The following HOMER2 variants were observed in gnomAD, a reference collection of about 807,000 sequenced individuals.
The protein encoded by HOMER2 is homer protein homolog 2.
HOMER2 carries 27 observed loss-of-function variants against 47.0 expected under a neutral mutation model. That is an observed-to-expected ratio of 0.57 (90% CI 0.42 to 0.79). HOMER2 has a LOEUF of 0.79. Among genes scored for constraint, HOMER2 ranks in the 30% least tolerant of loss-of-function variants. The probability of loss-of-function intolerance (pLI) is 0.00; values close to 1 mark genes in which losing one functional copy is unlikely to be tolerated. For missense variants in HOMER2, 443 were observed against 435.0 expected, an observed-to-expected ratio of 1.02 and a Z score of -0.16; for synonymous variants, 161 against 163.8, an observed-to-expected ratio of 0.98 and a Z score of 0.13.
At chr15:82,937,088 T>C (rs1306937841) in intron 1 of HOMER2, among the ~76,000 whole-genome samples, 1 of 152,212 alleles carries the variant, frequency 6.6e-6, no homozygotes, top group Non-Finnish European at 1.5e-5. Context: ...ACTACTTAGC[T>C]CATGTCAAAT....
chr15:82,940,540 G>C (rs539515899), intron 1 of HOMER2, among the ~76,000 whole-genome samples: 1 of 152,132 alleles, frequency 6.6e-6, no homozygotes, highest in Non-Finnish European at 1.5e-5. Flanking sequence ...TCAGGAGATC[G>C]AGACCATCCT....
At chr15:82,844,055 G>A (rs1027307788), downstream of HOMER2, 4 of 152,252 alleles carry the variant, frequency 2.6e-5, no homozygotes, top group African/African-American at 4.8e-5. Flanking sequence ...CTGTCCCTGG[G>A]ACATCAGCAT....
intron 1 of HOMER2, among the ~76,000 whole-genome samples, chr15:82,930,393 A>C (rs1471731326): frequency 6.6e-6 from 1 of 152,260 alleles, no homozygotes; most frequent in Non-Finnish European, 1.5e-5. Context: ...TCTGTACAGC[A>C]TGCCATCCTG....
intron 3 of HOMER2, among the ~76,000 whole-genome samples, chr15:82,868,541 A>ATATATATATATATATTTTTTTTTTT: frequency 2.8e-5 from 2 of 71,290 alleles, no homozygotes; most frequent in Non-Finnish European, 5.6e-5. Flanking sequence ...ATATATATAT[A>ATATATATATATATATTTTTTTTTTT]TTTTTTTTTT....
chr15:82,864,733 T>A (rs2051909636), intron 3 of HOMER2, among the ~76,000 whole-genome samples: 1 of 152,212 alleles, frequency 6.6e-6, no homozygotes, highest in South Asian at 2.1e-4. Context: ...ATCTAGGTAA[T>A]GTGTATATGG....
intron 1 of HOMER2, among the ~76,000 whole-genome samples, chr15:82,961,336 T>C (rs1385358547): frequency 6.6e-6 from 1 of 152,258 alleles, no homozygotes; most frequent in East Asian, 1.9e-4. Flanking sequence ...CGTGCGCAGG[T>C]TGGGGGGTAC....
intron 4 of HOMER2, among the ~76,000 whole-genome samples, chr15:82,861,883 G>T (rs898663044): frequency 2.6e-5 from 4 of 152,018 alleles, no homozygotes; most frequent in African/African-American, 7.3e-5. Flanking sequence ...GGTGGCGCAT[G>T]CTTGTAATCC....
At chr15:82,858,311 C>A (rs962495864) in intron 5 of HOMER2, among the ~76,000 whole-genome samples, 4 of 150,804 alleles carry the variant, frequency 2.7e-5, no homozygotes, top group Admixed American at 6.6e-5. Context: ...TTTTTTGAGA[C>A]AAGAGTCTCA....
At chr15:82,868,541 A>ATTTTTTTT (rs10678643) in intron 3 of HOMER2, among the ~76,000 whole-genome samples, 2 of 71,266 alleles carry the variant, frequency 2.8e-5, no homozygotes, top group Non-Finnish European at 5.7e-5. Flanking sequence ...ATATATATAT[A>ATTTTTTTT]TTTTTTTTTT....
chr15:82,849,735 T>G lies in HOMER2; in HGVS notation c.1012A>C (p.Lys338Gln), dbSNP rs767149658. Residue 338 changes from lysine to glutamine, a missense_variant, in exon 9 of 9, where the codon AAG becomes CAG. Coordinates refer to ENST00000450735, the MANE Select transcript of HOMER2 (RefSeq NM_004839.4). ...DLHDFRRGLSKLGTDN is the reference protein window; with the variant it reads ...DLHDFRRGLSQLGTDN ...CAGCCCTAGTTATCGGTGCCCAGCTTGGAGAGCCCTCGGCGGAAGTCATGC... is the reference window on the plus strand; with the variant it reads ...CAGCCCTAGTTATCGGTGCCCAGCTGGGAGAGCCCTCGGCGGAAGTCATGC... 1 of 1,613,616 alleles carries G rather than the reference T, an allele frequency of 6.2e-7. No homozygotes were observed. The highest frequency in any genetic ancestry group is 1.7e-5 in the Admixed American group (1 of 59,990).
At chr15:82,927,789 G>A (rs553064010) in intron 1 of HOMER2, among the ~76,000 whole-genome samples, 103 of 152,090 alleles carry the variant, frequency 6.8e-4, no homozygotes, top group Admixed American at 1.5e-3. Flanking sequence ...TAACCAACAT[G>A]GTAAAACCCC....
intron 1 of HOMER2, among the ~76,000 whole-genome samples, chr15:82,935,933 A>G (rs1386625069): frequency 6.6e-6 from 1 of 152,172 alleles, no homozygotes; most frequent in Non-Finnish European, 1.5e-5. Context: ...TTAAATCTGA[A>G]GAAGGATCAT....
intron 1 of HOMER2, among the ~76,000 whole-genome samples, chr15:82,895,729 A>G (rs1186363746): frequency 6.6e-6 from 1 of 152,038 alleles, no homozygotes; most frequent in Admixed American, 6.6e-5. Flanking sequence ...TATTCCCTAC[A>G]TCAGAAAAGA....
chr15:82,891,982 A>T (rs978993209), intron 2 of HOMER2, among the ~76,000 whole-genome samples: 21 of 143,480 alleles, frequency 1.5e-4, no homozygotes, highest in African/African-American at 4.9e-4. Context: ...CAGCAGGTCT[A>T]TTTTTTTTTT....
intron 2 of HOMER2, among the ~76,000 whole-genome samples, chr15:82,879,335 A>C (rs1167162191): frequency 1.1e-4 from 17 of 152,170 alleles, no homozygotes; most frequent in Admixed American, 1.1e-3. Flanking sequence ...ATCTCGACTA[A>C]AAATACAAAA....
chr15:82,867,318 A>G (rs2052003594), intron 3 of HOMER2, among the ~76,000 whole-genome samples: 1 of 152,068 alleles, frequency 6.6e-6, no homozygotes, highest in South Asian at 2.1e-4. Context: ...AAACCCACAA[A>G]AGTGACAGAC....
intron 1 of HOMER2, among the ~76,000 whole-genome samples, chr15:82,975,582 C>A (rs894745209): frequency 1.3e-5 from 2 of 152,150 alleles, no homozygotes; most frequent in Non-Finnish European, 2.9e-5. Flanking sequence ...AACAGGAGGT[C>A]ATTACATTAA....
intron 1 of HOMER2, among the ~76,000 whole-genome samples, chr15:82,932,124 G>A (rs1325079482): frequency 6.6e-6 from 1 of 152,154 alleles, no homozygotes; most frequent in Non-Finnish European, 1.5e-5. Flanking sequence ...TCCATATTAT[G>A]GAAGACAGCC....
chr15:82,880,416 T>C (rs2052485002), intron 2 of HOMER2, among the ~76,000 whole-genome samples: 1 of 152,270 alleles, frequency 6.6e-6, no homozygotes, highest in African/African-American at 2.4e-5. Flanking sequence ...GAGGAGTGGA[T>C]GGGAGAGCAT....
Sources: gnomAD v4.1 joint callset for allele counts (sites outside exome capture counted in the v4.1 genomes callset) on GRCh38, gnomAD v4.1.1 for gene constraint, MANE v1.5 for transcripts, NCBI Gene and HGNC (gene_info 2026-07-23, HGNC 2026-07-21) for gene names.